Variants in PLS1 observed in about 807,000 individuals in gnomAD.
The protein encoded by PLS1 is plastin-1.
In PLS1, 32 loss-of-function variants were observed where a neutral mutation model predicts 73.7. That is an observed-to-expected ratio of 0.43 (90% confidence interval 0.33 to 0.58). PLS1 has a LOEUF of 0.58. Ranked by LOEUF, PLS1 falls within the 20% of genes least tolerant of loss-of-function variation. The probability of loss-of-function intolerance (pLI) is 0.04; values close to 1 mark genes in which losing one functional copy is unlikely to be tolerated. For synonymous variants in PLS1, 217 were observed against 261.3 expected (o/e 0.83, Z 1.63); for missense variants, 633 against 740.5 (o/e 0.85, Z 1.68).
intron 12 of PLS1, among the ~76,000 whole-genome samples, chr3:142,699,973 A>G (rs920255649): frequency 1.3e-5 from 2 of 152,192 alleles, no homozygotes; most frequent in Non-Finnish European, 2.9e-5. Context: ...GACTAATTTC[A>G]TGTAAGTTTT....
At chr3:142,662,418 G>T (rs943417899) in intron 1 of PLS1, among the ~76,000 whole-genome samples, 1 of 152,132 alleles carries the variant, frequency 6.6e-6, no homozygotes, top group Non-Finnish European at 1.5e-5. Context: ...GGTCTATTGG[G>T]GGGTAGGGGC....
rs140883358 is a variant in PLS1 at position 142,711,932 on chromosome 3, C to G, written c.1815C>G (p.Leu605=). 2.9e-5 allele frequency: 46 copies of G among 1,612,972 alleles called. No homozygotes were observed. Among genetic ancestry groups the G allele is most frequent in the Non-Finnish European group, 3.8e-5 (45 of 1,179,186 alleles). Residue 605 remains leucine, a synonymous_variant, in exon 16 of 16, where the codon CTC becomes CTG. Transcript: ENST00000457734. ...GGATATATGCATTACCTGATGACCT[C>G]GTAGAAGTGAAACCAAAGATGGTTA... is the stretch of plus-strand genomic sequence containing the variant. ...GARIYALPDD[L]VEVKPKMVMT...
intron 1 of PLS1, among the ~76,000 whole-genome samples, chr3:142,642,665 CA>C (rs1260577847): frequency 6.6e-6 from 1 of 152,132 alleles, no homozygotes; most frequent in Non-Finnish European, 1.5e-5. Context: ...ATTTTCTGAG[CA>C]AAACAATGGT....
At chr3:142,618,986 G>A (rs1239155228) in intron 1 of PLS1, among the ~76,000 whole-genome samples, 3 of 152,208 alleles carry the variant, frequency 2.0e-5, no homozygotes, top group Non-Finnish European at 2.9e-5. Flanking sequence ...TGCCACAGAT[G>A]TGTTGTCTGC....
At chr3:142,702,764 T>G (rs2038356971) in intron 12 of PLS1, among the ~76,000 whole-genome samples, 1 of 152,190 alleles carries the variant, frequency 6.6e-6, no homozygotes, top group Admixed American at 6.5e-5. Flanking sequence ...ACTGGACTTA[T>G]ATCACTGGAA....
At chr3:142,599,758 A>G (rs2035881966) in intron 1 of PLS1, among the ~76,000 whole-genome samples, 1 of 149,856 alleles carries the variant, frequency 6.7e-6, no homozygotes, top group Non-Finnish European at 1.5e-5. Flanking sequence ...ATTTTTATTT[A>G]TTTATTTATT....
At chr3:142,632,719 T>G (rs192396079) in intron 1 of PLS1, among the ~76,000 whole-genome samples, 2 of 152,148 alleles carry the variant, frequency 1.3e-5, no homozygotes, top group African/African-American at 4.8e-5. Context: ...CTGTCTTGGC[T>G]TCCTGAGTAG....
chr3:142,671,455 G>A (rs967178302), intron 4 of PLS1, among the ~76,000 whole-genome samples: 1 of 152,092 alleles, frequency 6.6e-6, no homozygotes, highest in Non-Finnish European at 1.5e-5. Context: ...GCTTTTCAAT[G>A]GCTTTTCATC....
intron 11 of PLS1, among the ~76,000 whole-genome samples, chr3:142,696,854 G>A (rs905974087): frequency 2.0e-4 from 31 of 151,678 alleles, no homozygotes; most frequent in African/African-American, 7.5e-4. Flanking sequence ...ATACTTCAGT[G>A]ATTTTTTTTT....
intron 1 of PLS1, among the ~76,000 whole-genome samples, chr3:142,641,719 T>C (rs2036845248): frequency 6.6e-6 from 1 of 152,114 alleles, no homozygotes; most frequent in Admixed American, 6.6e-5. Context: ...GCACTTCTGC[T>C]TTTGCCTTTG....
intron 1 of PLS1, among the ~76,000 whole-genome samples, chr3:142,615,882 G>A (rs2108553737): frequency 6.6e-6 from 1 of 152,300 alleles, no homozygotes; most frequent in East Asian, 1.9e-4. Context: ...AGCAGCATTA[G>A]CATTATGTTG....
chr3:142,637,849 GC>G (rs555109999), intron 1 of PLS1, among the ~76,000 whole-genome samples: 263 of 151,506 alleles, frequency 1.7e-3, no homozygotes, highest in African/African-American at 6.1e-3. Context: ...AACATGCCAG[GC>G]CCCCCCGCCC....
chr3:142,697,967 C>A lies in PLS1; in HGVS notation c.1271C>A (p.Ala424Asp). Residue 424 changes from alanine (A) to aspartate (D), a missense_variant, in exon 12 of 16, where the codon GCT becomes GAT. Coordinates refer to ENST00000457734, the MANE Select transcript of PLS1 (RefSeq NM_001145319.2). ...TCCTGCTTCAGTGACCTTGCAGATG[C>A]TTTAGTGATCTTTCAGCTCTATGAG... ...INHLYSDLAD[A>D]LVIFQLYEMI... 1 of 1,610,688 alleles carries A rather than the reference C, an allele frequency of 6.2e-7. No individual in the cohort carries two copies. Among genetic ancestry groups the A allele is most frequent in the Non-Finnish European group, 8.5e-7 (1 of 1,177,034 alleles).
At chr3:142,662,851 G>A (rs1212623785) in intron 1 of PLS1, among the ~76,000 whole-genome samples, 1 of 152,160 alleles carries the variant, frequency 6.6e-6, no homozygotes, top group African/African-American at 2.4e-5. Context: ...CCAACAAAAA[G>A]GTTATAATAT....
chr3:142,643,566 C>T (rs1018646098), intron 1 of PLS1, among the ~76,000 whole-genome samples: 10 of 152,146 alleles, frequency 6.6e-5, no homozygotes, highest in Non-Finnish European at 1.0e-4. Context: ...GCTACGCTCA[C>T]TGATGACAAA....
intron 1 of PLS1, among the ~76,000 whole-genome samples, chr3:142,660,444 A>G (rs1350303026): frequency 6.6e-6 from 1 of 152,158 alleles, no homozygotes; most frequent in Non-Finnish European, 1.5e-5. Flanking sequence ...TACCTTAAAC[A>G]TGCTTAGAAT....
At chr3:142,649,335 CAAAAAAA>C (rs3055060) in intron 1 of PLS1, among the ~76,000 whole-genome samples, 2 of 93,524 alleles carry the variant, frequency 2.1e-5, no homozygotes, top group Non-Finnish European at 4.0e-5. Context: ...GACCCTATGT[CAAAAAAA>C]AAAAAAAAAA....
At chr3:142,668,581 A>C (rs1184735674) in intron 2 of PLS1, among the ~76,000 whole-genome samples, 1 of 149,884 alleles carries the variant, frequency 6.7e-6, no homozygotes, top group Non-Finnish European at 1.5e-5. Flanking sequence ...CTTTTTAGCT[A>C]TCTGTGACTT....
chr3:142,620,282 G>A (rs2036290870), intron 1 of PLS1, among the ~76,000 whole-genome samples: 1 of 152,110 alleles, frequency 6.6e-6, no homozygotes, highest in Non-Finnish European at 1.5e-5. Flanking sequence ...CTGCCACCAT[G>A]CCTGGCTAAT....
Sources: allele counts gnomAD v4.1 joint callset (sites outside exome capture counted in the v4.1 genomes callset), GRCh38; gene constraint gnomAD v4.1.1; transcripts MANE v1.5; gene names NCBI Gene and HGNC (gene_info 2026-07-23, HGNC 2026-07-21).